Variants in TEX36 observed in about 807,000 individuals in gnomAD.
TEX36 encodes the protein testis-expressed protein 36.
A neutral mutation model predicts 13.6 loss-of-function variants in TEX36; 12 were observed. The observed-to-expected ratio is 0.88, with a 90% CI of 0.56 to 1.43. TEX36 has a LOEUF of 1.43. TEX36 is among the 40% of genes most tolerant of loss of function. TEX36 has a pLI of 0.00. For missense variants in TEX36, 224 were observed against 228.3 expected (o/e 0.98, Z 0.12); for synonymous variants, 93 against 83.0 (o/e 1.12, Z -0.65).
At chr10:125,633,604 C>G (rs1363801521) in intron 3 of TEX36, among the ~76,000 whole-genome samples, 1 of 152,168 alleles carries the variant, frequency 6.6e-6, no homozygotes, top group Non-Finnish European at 1.5e-5. Flanking sequence ...AAGCAGACGG[C>G]TTTTTAGTTG....
At chr10:125,669,743 C>T (rs1256231882) in intron 1 of TEX36, among the ~76,000 whole-genome samples, 1 of 152,146 alleles carries the variant, frequency 6.6e-6, no homozygotes, top group Non-Finnish European at 1.5e-5. Context: ...TCCTGATGCT[C>T]TCCCTCCCAC....
rs79189661 is a variant in TEX36, at chr10:125,630,799, C to G, written c.265-9154G>C. ...CCTTCCCACTTCCACTGGAATGTCT[C>G]CAGGAAGATGATCAAGGGGAGAAGT... On this transcript the variant is annotated intron_variant, in intron 3 of 3. Coordinates refer to the TEX36 transcript ENST00000526819. Among the ~76,000 whole-genome samples the G allele has an allele frequency of 7.2e-3, 1,099 of 152,184 alleles. 14 individuals carry two copies. The highest frequency in any genetic ancestry group is 0.025 in the African/African-American group (1,044 of 41,524).
At chr10:125,609,819 T>G (rs141754090) in intron 3 of TEX36, among the ~76,000 whole-genome samples, 122 of 152,344 alleles carry the variant, frequency 8.0e-4, no homozygotes, top group African/African-American at 2.8e-3. Flanking sequence ...CTTCACCAAA[T>G]TTAGTATGGG....
At chr10:125,657,234 C>T (rs903214110) in intron 3 of TEX36, among the ~76,000 whole-genome samples, 6 of 152,240 alleles carry the variant, frequency 3.9e-5, no homozygotes, top group South Asian at 4.2e-4. Context: ...AGATGCAAGC[C>T]ACATTCCAAT....
intron 3 of TEX36, among the ~76,000 whole-genome samples, chr10:125,577,564 T>C (rs1299284218): frequency 6.6e-6 from 1 of 152,184 alleles, no homozygotes; most frequent in African/African-American, 2.4e-5. Flanking sequence ...TAAAAAATAA[T>C]TTAAAATGTG....
intron 3 of TEX36, among the ~76,000 whole-genome samples, chr10:125,580,280 G>A (rs1443032206): frequency 1.3e-5 from 2 of 152,208 alleles, no homozygotes; most frequent in Admixed American, 6.5e-5. Context: ...AAGCAAAAGC[G>A]TGACTCTAAC....
chr10:125,592,337 C>A (rs1431868016), intron 3 of TEX36, among the ~76,000 whole-genome samples: 1 of 152,114 alleles, frequency 6.6e-6, no homozygotes, highest in African/African-American at 2.4e-5. Flanking sequence ...CTTTGATGAG[C>A]TTCCTGTGAG....
At chr10:125,642,377 A>G (rs1846705033) in intron 3 of TEX36, among the ~76,000 whole-genome samples, 1 of 152,236 alleles carries the variant, frequency 6.6e-6, no homozygotes, top group South Asian at 2.1e-4. Context: ...TTCTGTTAAA[A>G]CCAACCACAA....
chr10:125,635,799 C>T (rs1029000171), intron 3 of TEX36, among the ~76,000 whole-genome samples: 1 of 152,064 alleles, frequency 6.6e-6, no homozygotes, highest in South Asian at 2.1e-4. Flanking sequence ...ACCTCCAGCC[C>T]AGACTGGAAC....
At chr10:125,623,907 T>C (rs1487419930) in intron 3 of TEX36, among the ~76,000 whole-genome samples, 3 of 152,192 alleles carry the variant, frequency 2.0e-5, no homozygotes, top group East Asian at 1.9e-4. Flanking sequence ...GCATGGGACA[T>C]AGTAACAGGG....
At chr10:125,675,556 T>C (rs1027768015) in intron 1 of TEX36, among the ~76,000 whole-genome samples, 2 of 152,178 alleles carry the variant, frequency 1.3e-5, no homozygotes, top group Admixed American at 6.5e-5. Context: ...TCCTGATCCA[T>C]GGGTTGCACA....
intron 3 of TEX36, among the ~76,000 whole-genome samples, chr10:125,591,246 G>A (rs1186738620): frequency 2.0e-5 from 3 of 152,242 alleles, no homozygotes; most frequent in Non-Finnish European, 4.4e-5. Flanking sequence ...AGCATTCAAT[G>A]AGCGTTTGAT....
chr10:125,580,012 G>A (rs1185894279), intron 3 of TEX36, among the ~76,000 whole-genome samples: 3 of 152,206 alleles, frequency 2.0e-5, no homozygotes, highest in Admixed American at 6.5e-5. Flanking sequence ...TGGTCAACAT[G>A]ATTTAGAAAG....
chr10:125,590,196 T>C (rs572941628), intron 3 of TEX36, among the ~76,000 whole-genome samples: 318 of 152,072 alleles, frequency 2.1e-3, no homozygotes, highest in Non-Finnish European at 3.3e-3. Flanking sequence ...ATCACTGCAG[T>C]CTCCACCTCC....
downstream of TEX36, among the ~76,000 whole-genome samples, chr10:125,618,474 G>A (rs1303308118): frequency 6.6e-6 from 1 of 152,156 alleles, no homozygotes; most frequent in Non-Finnish European, 1.5e-5. Context: ...TGGTGTGGAT[G>A]TCCTTTCTGT....
At chr10:125,667,861 G>A (rs1754923364) in intron 1 of TEX36, 2 of 1,516,572 alleles carry the variant, frequency 1.3e-6, no homozygotes, top group Non-Finnish European at 1.8e-6. Context: ...CTGCAGCCAG[G>A]ATGCCCTTGC....
chr10:125,620,098 C>T (rs1846411470), downstream of TEX36, among the ~76,000 whole-genome samples: 2 of 151,964 alleles, frequency 1.3e-5, no homozygotes. Context: ...CATCTTTGCC[C>T]CTAAATCTTT....
Position 125,661,938 on chromosome 10 carries a change from T to G in TEX36, c.91A>C (p.Ile31Leu). 6.4e-7 allele frequency: 1 copy of G among 1,552,328 alleles called. No individual in the cohort carries two copies. Among genetic ancestry groups the G allele is most frequent in the South Asian group, 1.2e-5 (1 of 84,046 alleles). ...GGCTCTTTTGACGTAGCACTGGTGA[T>G]GGATTCTGGTGTCTTTTGCGTTAGC... ...IGLTQKTPES[I>L]TSATSKEPQS... The change falls in exon 2 of 4, where the codon ATC becomes CTC. Residue 31 changes from isoleucine (I) to leucine (L), a missense_variant. By Grantham distance (5) the Ile-to-Leu change is conservative (BLOSUM62 2). Coordinates refer to ENST00000368821, the MANE Select transcript of TEX36 (RefSeq NM_001128202.3).
intron 3 of TEX36, among the ~76,000 whole-genome samples, chr10:125,625,017 T>G (rs1213462135): frequency 6.6e-6 from 1 of 152,180 alleles, no homozygotes; most frequent in Non-Finnish European, 1.5e-5. Context: ...CCAGGAGACA[T>G]GCCAGACAAT....
Sources: allele counts gnomAD v4.1 joint callset (sites outside exome capture counted in the v4.1 genomes callset), GRCh38; gene constraint gnomAD v4.1.1; transcripts MANE v1.5; gene names NCBI Gene and HGNC (gene_info 2026-07-23, HGNC 2026-07-21).